The following WDHD1 variants were observed in gnomAD, a reference collection of about 807,000 sequenced individuals.
WDHD1 encodes WD repeat and HMG-box DNA-binding protein 1.
WDHD1 carries 111 observed loss-of-function variants against 135.4 expected under a neutral mutation model. That is an observed-to-expected ratio of 0.82 (90% CI 0.70 to 0.96). The LOEUF is 0.96. WDHD1 is among the 40% of genes least tolerant of loss of function. The pLI is 0.00. For synonymous variants in WDHD1, 434 were observed against 439.0 expected, an observed-to-expected ratio of 0.99 and a Z score of 0.14; for missense variants, 1,351 against 1,336.3, an observed-to-expected ratio of 1.01 and a Z score of -0.17.
At chr14:55,009,332 C>A (rs191377852) in intron 4 of WDHD1, among the ~76,000 whole-genome samples, 3 of 152,166 alleles carry the variant, frequency 2.0e-5, no homozygotes, top group African/African-American at 7.2e-5. Flanking sequence ...TTTCACTTCA[C>A]CTCAGCAATT....
intron 15 of WDHD1, 129 bp from the exon 16 acceptor site, chr14:54,981,825 T>G (rs1218197568): frequency 2.0e-6 from 1 of 508,352 alleles, no homozygotes; most frequent in Non-Finnish European, 3.4e-6. Flanking sequence ...CAGAAGCAAA[T>G]AATCTAAGAT....
chr14:54,943,123 A>G (rs2040864958), intron 25 of WDHD1, among the ~76,000 whole-genome samples: 1 of 152,176 alleles, frequency 6.6e-6, no homozygotes, highest in Admixed American at 6.5e-5. Flanking sequence ...GGGGAAGTGA[A>G]ACCTGAGGAT....
intron 6 of WDHD1, among the ~76,000 whole-genome samples, chr14:55,007,845 T>C (rs543241677): frequency 6.6e-6 from 1 of 152,346 alleles, no homozygotes; most frequent in Admixed American, 6.5e-5. Context: ...CAAGCCATCT[T>C]GGATTGCCTT....
At position 54,984,876 on chromosome 14, in the gene WDHD1, A is replaced by T; in HGVS notation, c.1769-16T>A. ...AATCCTGTACCTAATGAGAAAATGT[A>T]AATATAAATCAGGCATCAAAGGTTA... On this transcript the variant is annotated splice_polypyrimidine_tract_variant and intron_variant, in intron 14 of 25. Transcript: ENST00000360586. 1 of 1,607,074 alleles carries T rather than the reference A, an allele frequency of 6.2e-7. No individual in the cohort carries two copies. The highest frequency in any genetic ancestry group is 8.5e-7 in the Non-Finnish European group (1 of 1,178,048).
At chr14:54,971,451 C>T (rs1442994291) in intron 16 of WDHD1, among the ~76,000 whole-genome samples, 1 of 152,068 alleles carries the variant, frequency 6.6e-6, no homozygotes, top group Non-Finnish European at 1.5e-5. Context: ...GTGGCATGTG[C>T]CTGTAGTCTT....
chr14:54,951,809 A>G (rs1185920739), intron 24 of WDHD1, among the ~76,000 whole-genome samples: 1 of 152,220 alleles, frequency 6.6e-6, no homozygotes, highest in Admixed American at 6.5e-5. Context: ...AGTGGGCTTC[A>G]TCTCTGGGAT....
In WDHD1 at chr14:54,995,715, AGG is replaced by A; in HGVS notation, c.1039_1040del (p.Pro347PhefsTer9). On this transcript the variant is annotated frameshift_variant, in exon 11 of 26. Coordinates refer to ENST00000360586, the MANE Select transcript of WDHD1 (RefSeq NM_007086.4). LOFTEE classifies it high-confidence loss of function. Reference sequence around the variant, plus strand: ...CATTTATAATCCCTTTTGAAAAAGAAGGGATCTCAACTGCATTGTCATTTAGA... The same window carrying A: ...CATTTATAATCCCTTTTGAAAAAGAAGATCTCAACTGCATTGTCATTTAGA... ...DFLNDNAVEI[P>X]SFSKGIINDD... 1 of 1,613,722 alleles carries A rather than the reference AGG, an allele frequency of 6.2e-7. No individual in the cohort carries two copies. The highest frequency in any genetic ancestry group is 8.5e-7 in the Non-Finnish European group (1 of 1,179,860).
chr14:54,953,438 G>A (rs2041096904), intron 24 of WDHD1, among the ~76,000 whole-genome samples: 1 of 152,176 alleles, frequency 6.6e-6, no homozygotes, highest in Non-Finnish European at 1.5e-5. Flanking sequence ...TCTCACACCA[G>A]TTAGAATGGC....
intron 2 of WDHD1, among the ~76,000 whole-genome samples, chr14:55,014,526 G>A (rs766871184): frequency 6.6e-6 from 1 of 152,122 alleles, no homozygotes; most frequent in African/African-American, 2.4e-5. Context: ...CTTAATAAAT[G>A]TTTGTTGAAT....
chr14:54,952,283 C>G lies in WDHD1; in HGVS notation c.3050+3278G>C, dbSNP rs570753438. On this transcript the variant is annotated intron_variant, in intron 24 of 25. Transcript: ENST00000360586. The stretch of plus-strand genomic sequence containing the variant: ...AAAATCTCCTTAAGCTGATAGGGAA[C>G]TTCAGCAAAGTCTCAGGATACAAAA... Among the ~76,000 whole-genome samples, 635 of 152,330 alleles carry G rather than the reference C, an allele frequency of 4.2e-3. 10 individuals are homozygous for G. Among genetic ancestry groups the G allele is most frequent in the Non-Finnish European group, 3.5e-3 (241 of 68,032 alleles).
At chr14:54,975,939 A>G (rs570544430) in intron 16 of WDHD1, among the ~76,000 whole-genome samples, 19 of 152,346 alleles carry the variant, frequency 1.2e-4, no homozygotes, top group Admixed American at 3.3e-4. Flanking sequence ...AAATGCATTT[A>G]AAGTTAAAAG....
intron 16 of WDHD1, among the ~76,000 whole-genome samples, chr14:54,972,199 C>G (rs905383457): frequency 1.4e-5 from 2 of 147,236 alleles, no homozygotes; most frequent in East Asian, 4.0e-4. Context: ...GGGGTGAACC[C>G]GGGAGGCGGA....
chr14:54,997,460 G>A (rs2041901385), intron 10 of WDHD1, among the ~76,000 whole-genome samples: 1 of 152,086 alleles, frequency 6.6e-6, no homozygotes. Flanking sequence ...TTAATAAAAT[G>A]AGATGAAAAA....
At chr14:54,984,697 G>GT (rs752812605) in intron 15 of WDHD1, 26 bp downstream of exon 15, 165 of 1,581,408 alleles carry the variant, frequency 1.0e-4, no homozygotes, top group Admixed American at 1.6e-4. Flanking sequence ...TATTATACTT[G>GT]TTTTTTTTAA....
intron 2 of WDHD1, among the ~76,000 whole-genome samples, chr14:55,021,037 G>A (rs2042337854): frequency 6.6e-6 from 1 of 152,146 alleles, no homozygotes; most frequent in South Asian, 2.1e-4. Flanking sequence ...AGGTGGAAGA[G>A]GGGGAGGAAG....
chr14:55,005,438 G>T, intron 7 of WDHD1: 1 of 569,200 alleles, frequency 1.8e-6, no homozygotes, highest in South Asian at 1.4e-5. Context: ...CATGGCCTTC[G>T]GACCAGTATT....
At chr14:54,975,167 G>A (rs535803399) in intron 16 of WDHD1, among the ~76,000 whole-genome samples, 32 of 152,252 alleles carry the variant, frequency 2.1e-4, no homozygotes, top group Middle Eastern at 6.8e-3. Flanking sequence ...GAAAAAGAAA[G>A]AAGGTCTCTG....
At chr14:55,009,812 A>G (rs991363247) in intron 4 of WDHD1, among the ~76,000 whole-genome samples, 3 of 151,982 alleles carry the variant, frequency 2.0e-5, no homozygotes, top group South Asian at 2.1e-4. Flanking sequence ...GCAGAGCAGT[A>G]TATTTCTTTC....
At position 54,940,207 on chromosome 14, in the gene WDHD1, G is replaced by A. The variant is rs1457099247; in HGVS notation, c.*1283C>T. 6.6e-6 allele frequency: 1 copy of A among 152,146 alleles called. No individual in the cohort carries two copies. Among genetic ancestry groups the A allele is most frequent in the Non-Finnish European group, 1.5e-5 (1 of 68,020 alleles). 9.4% of individuals were successfully genotyped at this position (152,146 alleles called of 1,614,324 possible). A position where few individuals can be genotyped will look rare whatever the true frequency, so the allele number is the denominator to read the frequency against. On this transcript the variant is annotated 3_prime_UTR_variant, in exon 26 of 26. Transcript: ENST00000360586. ...TCCATTTTACAGATGAGTGAATGAAGGCTAGAATTTGGGTCACCGGCCCAA... is the reference window on the plus strand; with the variant it reads ...TCCATTTTACAGATGAGTGAATGAAAGCTAGAATTTGGGTCACCGGCCCAA...
Sources: gnomAD v4.1 joint callset for allele counts (sites outside exome capture counted in the v4.1 genomes callset) on GRCh38, gnomAD v4.1.1 for gene constraint, MANE v1.5 for transcripts, NCBI Gene and HGNC (gene_info 2026-07-23, HGNC 2026-07-21) for gene names.